Variants in SEC23IP observed in about 807,000 individuals in gnomAD.
SEC23IP encodes the protein SEC23-interacting protein.
A neutral mutation model predicts 113.4 loss-of-function variants in SEC23IP; 70 were observed. The observed-to-expected ratio is 0.62, with a 90% CI of 0.51 to 0.75. The LOEUF (loss-of-function observed/expected upper bound fraction) is 0.75, where lower values mean the gene tolerates loss of function less well. Among genes scored for constraint, SEC23IP ranks in the 30% least tolerant of loss-of-function variants. The probability of loss-of-function intolerance (pLI) is 0.00; values close to 1 mark genes in which losing one functional copy is unlikely to be tolerated. For missense variants in SEC23IP, 1,160 were observed against 1,204.9 expected (o/e 0.96, Z 0.55); for synonymous variants, 398 against 421.0 (o/e 0.95, Z 0.67).
At position 119,918,598 on chromosome 10, in the gene SEC23IP, TTTTG is replaced by T. The variant is rs112954131; in HGVS notation, c.1872+115_1872+118del. 6.5e-4 allele frequency: 474 copies of T among 732,420 alleles called. 1 individual carries two copies. Among genetic ancestry groups the T allele is most frequent in the East Asian group, 1.8e-3 (70 of 39,244 alleles). 45.4% of individuals were successfully genotyped at this position (732,420 alleles called of 1,614,324 possible). A position where few individuals can be genotyped will look rare whatever the true frequency, so the allele number is the denominator to read the frequency against. On this transcript the variant is annotated intron_variant, in intron 10 of 18. Coordinates refer to ENST00000369075, the MANE Select transcript of SEC23IP (RefSeq NM_007190.4). ...AAAAGTCTGAACTGTTTCTTGAAACTTTTGTTTGTTTGTTTGTTTGTTTGTTTGT... is the reference window on the plus strand; with the variant it reads ...AAAAGTCTGAACTGTTTCTTGAAACTTTTGTTTGTTTGTTTGTTTGTTTGT...
At chr10:119,900,445 G>A (rs71482901) in intron 2 of SEC23IP, among the ~76,000 whole-genome samples, 8,299 of 151,892 alleles carry the variant, frequency 0.055, 426 homozygotes, top group South Asian at 0.27. Flanking sequence ...CAGTAGCTGG[G>A]ACCACAGGCA....
chr10:119,912,667 G>T (rs1854905788), intron 6 of SEC23IP, among the ~76,000 whole-genome samples: 2 of 145,360 alleles, frequency 1.4e-5, no homozygotes, highest in Non-Finnish European at 1.5e-5. Flanking sequence ...TTCAGACAGG[G>T]TCTCACTCTG....
chr10:119,919,416 A>C, intron 10 of SEC23IP, 28 bp from the exon 11 acceptor site: 1 of 1,576,082 alleles, frequency 6.3e-7, no homozygotes, highest in Non-Finnish European at 8.6e-7. Flanking sequence ...CTGAGCTTGT[A>C]ATGTTTTTCA....
Position 119,919,487 on chromosome 10 carries a change from T to G in SEC23IP, c.1916T>G (p.Leu639Arg). 1 of 1,613,232 alleles carries G rather than the reference T, an allele frequency of 6.2e-7. No homozygotes were observed. Among genetic ancestry groups the G allele is most frequent in the South Asian group, 1.1e-5 (1 of 90,910 alleles). ...PKLTLDESYD[L>R]VVENKEVLTL... ...CTGACTTTGGATGAGTCGTATGACC[T>G]TGTTGTTGAAAATAAAGAAGTCCTA... Residue 639 changes from leucine to arginine, a missense_variant, in exon 11 of 19, where the codon CTT becomes CGT. Coordinates refer to ENST00000369075, the MANE Select transcript of SEC23IP (RefSeq NM_007190.4).
intron 1 of SEC23IP, among the ~76,000 whole-genome samples, chr10:119,894,006 T>G (rs1389430769): frequency 6.6e-6 from 1 of 152,248 alleles, no homozygotes; most frequent in Non-Finnish European, 1.5e-5. Flanking sequence ...TGTATTCCAG[T>G]CCTTGCCCTG....
At chr10:119,923,348 A>G (rs1855311970) in intron 12 of SEC23IP, among the ~76,000 whole-genome samples, 1 of 152,058 alleles carries the variant, frequency 6.6e-6, no homozygotes, top group African/African-American at 2.4e-5. Flanking sequence ...TACAAAAGTA[A>G]TATGGTGTGT....
rs1388914572 is a variant in SEC23IP at position 119,932,043 on chromosome 10, T to C, written c.2573-90T>C. ...AAAAGAGGAAGAAACAGTCTTATCC[T>C]GTCTGAGAAGAGTGTTAACTTACAA... On this transcript the variant is annotated intron_variant, in intron 15 of 18. Transcript: ENST00000369075. The C allele has an allele frequency of 1.0e-5, 8 of 792,172 alleles. No homozygotes were observed. In the East Asian group the frequency reaches 2.0e-4, roughly 19 times the overall value. 49.1% of individuals were successfully genotyped at this position (792,172 alleles called of 1,614,324 possible). A position where few individuals can be genotyped will look rare whatever the true frequency, so the allele number is the denominator to read the frequency against.
chr10:119,892,920 T>C lies in SEC23IP; in HGVS notation c.138T>C (p.Ser46=). Residue 46 remains serine, a synonymous_variant, in exon 1 of 19, where the codon TCT becomes TCC. Transcript: ENST00000369075. ...TCCCAGTCACCCAGGCCTCCGCTTC[T>C]CCGGCCTCCCTGCTCTTACCGGGAG... ...PFIPVTQASA[S]PASLLLPGED... is the part of the protein sequence containing the mutation. The C allele has an allele frequency of 6.2e-7, 1 of 1,613,016 alleles. No homozygotes were observed. The highest frequency in any genetic ancestry group is 8.5e-7 in the Non-Finnish European group (1 of 1,179,504).
chr10:119,898,641 C>T lies in SEC23IP; in HGVS notation c.378C>T (p.Ser126=). 1.2e-6 allele frequency: 2 copies of T among 1,614,200 alleles called. No individual in the cohort carries two copies. Among genetic ancestry groups the T allele is most frequent in the South Asian group, 2.2e-5 (2 of 91,090 alleles). The part of the protein sequence containing the change: ...PLTALPFTTG[S]QDVSNAFSPS... ...CTGCTCTCCCTTTTACAACTGGATCCCAAGATGTCTCGAATGCATTTTCAC... is the reference window on the plus strand; with the variant it reads ...CTGCTCTCCCTTTTACAACTGGATCTCAAGATGTCTCGAATGCATTTTCAC... The change falls in exon 2 of 19, where the codon TCC becomes TCT. Residue 126 remains serine, a synonymous_variant. Coordinates refer to ENST00000369075, the MANE Select transcript of SEC23IP (RefSeq NM_007190.4).
At chr10:119,928,028 A>T (rs1339287975) in intron 13 of SEC23IP, among the ~76,000 whole-genome samples, 1 of 152,176 alleles carries the variant, frequency 6.6e-6, no homozygotes, top group Non-Finnish European at 1.5e-5. Context: ...TTTCACTTTG[A>T]CAACGCTATT....
At chr10:119,899,266 G>C (rs1854397817) in intron 2 of SEC23IP, among the ~76,000 whole-genome samples, 1 of 152,196 alleles carries the variant, frequency 6.6e-6, no homozygotes, top group African/African-American at 2.4e-5. Flanking sequence ...TAGGAGAATT[G>C]AAGCGGTTAT....
chr10:119,904,334 T>TGAG (rs1854594373), intron 4 of SEC23IP, 57 bp downstream of exon 4: 6 of 1,440,664 alleles, frequency 4.2e-6, no homozygotes, highest in African/African-American at 1.4e-5. Context: ...CCTATATACA[T>TGAG]TGGTGAGTAA....
intron 13 of SEC23IP, 121 bp downstream of exon 13, chr10:119,926,348 T>C: frequency 9.4e-7 from 1 of 1,069,506 alleles, no homozygotes. Context: ...TGGAAAAAAC[T>C]GATTTTCTCT....
chr10:119,892,962 G>T lies in SEC23IP; in HGVS notation c.163+17G>T. Reference sequence around the variant, plus strand: ...TACCGGGAGGTAATAAGGGGAGGGCGGCCCCGTGTGTGGTGGGAGGCGGGC... The same window carrying T: ...TACCGGGAGGTAATAAGGGGAGGGCTGCCCCGTGTGTGGTGGGAGGCGGGC... On this transcript the variant is annotated intron_variant, in intron 1 of 18. Coordinates refer to ENST00000369075, the MANE Select transcript of SEC23IP (RefSeq NM_007190.4). 1 of 1,602,324 alleles carries T rather than the reference G, an allele frequency of 6.2e-7. No homozygotes were observed. The highest frequency in any genetic ancestry group is 1.1e-5 in the South Asian group (1 of 90,126).
intron 13 of SEC23IP, among the ~76,000 whole-genome samples, chr10:119,928,079 T>C (rs1234170014): frequency 6.6e-6 from 1 of 152,238 alleles, no homozygotes; most frequent in Non-Finnish European, 1.5e-5. Flanking sequence ...ATACAGTTTT[T>C]TTCTTTCTTG....
In SEC23IP at chr10:119,941,078, C is replaced by A. The variant is rs930933286; in HGVS notation, c.*513C>A. 1 of 152,114 alleles carries A rather than the reference C, an allele frequency of 6.6e-6. No homozygotes were observed. The highest frequency in any genetic ancestry group is 6.5e-5 in the Admixed American group (1 of 15,284). The allele number at this position is 152,114 out of a possible 1,614,324, so 9.4% of individuals were successfully genotyped here. ...TTAAAATGTGAATTGTACTTCTGAG[C>A]TGCCTTAATGCAAGGTCATTTATAT... is the stretch of plus-strand genomic sequence containing the variant. On this transcript the variant is annotated 3_prime_UTR_variant, in exon 19 of 19. Transcript: ENST00000369075.
At chr10:119,936,217 A>T (rs889979343) in intron 18 of SEC23IP, among the ~76,000 whole-genome samples, 3 of 152,060 alleles carry the variant, frequency 2.0e-5, no homozygotes, top group African/African-American at 7.2e-5. Flanking sequence ...TTTGCTTTGG[A>T]TACATTCTTA....
chr10:119,919,336 T>C, intron 10 of SEC23IP, 108 bp from the exon 11 acceptor site: 1 of 1,056,852 alleles, frequency 9.5e-7, no homozygotes, highest in Non-Finnish European at 1.4e-6. Flanking sequence ...TGCCTAAAAT[T>C]ATGATTTCTG....
chr10:119,909,204 T>G, intron 5 of SEC23IP, 74 bp downstream of exon 5: 1 of 971,430 alleles, frequency 1.0e-6, no homozygotes, highest in Non-Finnish European at 1.6e-6. Context: ...GATAAATTGT[T>G]CATTTTTAGT....
Sources: allele counts gnomAD v4.1 joint callset (sites outside exome capture counted in the v4.1 genomes callset), GRCh38; gene constraint gnomAD v4.1.1; transcripts MANE v1.5; gene names NCBI Gene and HGNC (gene_info 2026-07-23, HGNC 2026-07-21).